Variants in MOXD1 observed in about 807,000 individuals in gnomAD.
MOXD1 encodes the protein DBH-like monooxygenase protein 1.
Under a neutral mutation model 66.6 loss-of-function variants are expected in MOXD1, and 62 were observed. The observed-to-expected ratio is 0.93, with a 90% confidence interval of 0.76 to 1.15. The LOEUF (loss-of-function observed/expected upper bound fraction) is 1.15, where lower values mean the gene tolerates loss of function less well. MOXD1 is among the 50% of genes most tolerant of loss of function. The pLI, the probability that MOXD1 is intolerant of heterozygous loss-of-function variation, is 0.00. For missense variants in MOXD1, 847 were observed against 754.6 expected, an observed-to-expected ratio of 1.12 and a Z score of -1.44; for synonymous variants, 303 against 281.9, an observed-to-expected ratio of 1.07 and a Z score of -0.75.
intron 1 of MOXD1, among the ~76,000 whole-genome samples, chr6:132,398,664 G>T (rs9493305): frequency 0.11 from 16,215 of 152,046 alleles, 1,301 homozygotes; most frequent in East Asian, 0.42. Context: ...TTATGGCCTG[G>T]CGTGGTGGCT....
intron 4 of MOXD1, among the ~76,000 whole-genome samples, chr6:132,358,057 TGTGATAGG>T (rs1180169641): frequency 1.3e-5 from 2 of 152,204 alleles, no homozygotes; most frequent in Non-Finnish European, 2.9e-5. Flanking sequence ...ACAGTAGTAT[TGTGATAGG>T]TCATATCTCC....
chr6:132,360,305 G>A (rs988487813), intron 4 of MOXD1, among the ~76,000 whole-genome samples: 1 of 152,118 alleles, frequency 6.6e-6, no homozygotes, highest in African/African-American at 2.4e-5. Flanking sequence ...TAACCTTTCT[G>A]GGCGTCAGTT....
intron 4 of MOXD1, among the ~76,000 whole-genome samples, chr6:132,368,995 C>T (rs1582598192): frequency 6.6e-6 from 1 of 152,004 alleles, no homozygotes; most frequent in Non-Finnish European, 1.5e-5. Flanking sequence ...ATTAAAGTTA[C>T]GTGAATGTGG....
At chr6:132,361,679 G>T (rs914127746) in intron 4 of MOXD1, among the ~76,000 whole-genome samples, 14 of 152,018 alleles carry the variant, frequency 9.2e-5, no homozygotes, top group Admixed American at 7.9e-4. Flanking sequence ...CAAAAGCCTG[G>T]ACTCCCTCCC....
At chr6:132,297,416 G>C (rs910913523) in intron 11 of MOXD1, 99 bp from the exon 12 acceptor site, 4 of 1,248,930 alleles carry the variant, frequency 3.2e-6, no homozygotes, top group Admixed American at 2.1e-5. Context: ...GGGATAAAGG[G>C]GGCAGGAGTG....
At position 132,366,013 on chromosome 6, in the gene MOXD1, A is replaced by G. The variant is rs544981820; in HGVS notation, c.663+6595T>C. On this transcript the variant is annotated intron_variant, in intron 4 of 11. Coordinates refer to ENST00000367963, the MANE Select transcript of MOXD1 (RefSeq NM_015529.4). ...GTAACACAAATTATTAAAGGAAAAG[A>G]TTCTTGATTTTTATAGCATAACTTT... 6.6e-5 allele frequency among the ~76,000 whole-genome samples: 10 copies of G among 152,296 alleles called. No homozygotes were observed. In the South Asian group the frequency reaches 2.1e-3, roughly 32 times the overall value.
At chr6:132,371,472 G>C (rs892189642) in intron 4 of MOXD1, among the ~76,000 whole-genome samples, 1 of 152,006 alleles carries the variant, frequency 6.6e-6, no homozygotes, top group African/African-American at 2.4e-5. Context: ...GTAAACCAAA[G>C]GCAGAACTGT....
At chr6:132,309,507 T>C (rs1165735223) in intron 10 of MOXD1, among the ~76,000 whole-genome samples, 1 of 152,206 alleles carries the variant, frequency 6.6e-6, no homozygotes, top group East Asian at 1.9e-4. Flanking sequence ...CTTTACAGAA[T>C]TAGCAACAAC....
At chr6:132,376,900 A>T (rs1212129752) in intron 1 of MOXD1, among the ~76,000 whole-genome samples, 1 of 152,230 alleles carries the variant, frequency 6.6e-6, no homozygotes, top group Non-Finnish European at 1.5e-5. Context: ...CTATCAGATA[A>T]AACTATTTTT....
intron 10 of MOXD1, among the ~76,000 whole-genome samples, chr6:132,299,599 G>C (rs7762650): frequency 0.024 from 3,617 of 152,172 alleles, 146 homozygotes; most frequent in African/African-American, 0.083. Context: ...AAGTGAAAAA[G>C]TGAATGACAT....
Position 132,340,644 on chromosome 6 carries a change from T to C in MOXD1, c.664-12050A>G, listed in dbSNP as rs1056849917. 4.6e-3 allele frequency among the ~76,000 whole-genome samples: 590 copies of C among 129,436 alleles called. 43 individuals are homozygous for C. Among genetic ancestry groups the C allele is most frequent in the African/African-American group, 0.017 (532 of 31,506 alleles). The allele number at this position is 129,436 out of a possible 152,430, so 84.9% of individuals were successfully genotyped here. ...TGCTAAAACAACAAGACTCATTTTT[T>C]TTTTTTTTTTTTTTTTTTTTGAGCC... On this transcript the variant is annotated intron_variant, in intron 4 of 11. Transcript: ENST00000367963.
intron 4 of MOXD1, among the ~76,000 whole-genome samples, chr6:132,346,666 A>G (rs1263254983): frequency 6.6e-6 from 1 of 152,230 alleles, no homozygotes; most frequent in Non-Finnish European, 1.5e-5. Flanking sequence ...CTAAGGTACA[A>G]AATAAATTTG....
At chr6:132,385,089 T>C (rs745313005) in intron 1 of MOXD1, among the ~76,000 whole-genome samples, 3 of 151,868 alleles carry the variant, frequency 2.0e-5, no homozygotes, top group Non-Finnish European at 2.9e-5. Flanking sequence ...ATATATTGGG[T>C]GAAGGAAGGA....
chr6:132,318,065 C>G (rs1774996604), intron 9 of MOXD1, among the ~76,000 whole-genome samples: 1 of 152,056 alleles, frequency 6.6e-6, no homozygotes, highest in African/African-American at 2.4e-5. Context: ...TACACTGTTT[C>G]ATTAAATAAT....
chr6:132,319,431 A>G (rs1181021089), intron 9 of MOXD1, among the ~76,000 whole-genome samples: 1 of 151,962 alleles, frequency 6.6e-6, no homozygotes, highest in African/African-American at 2.4e-5. Flanking sequence ...ATGTTTCCCA[A>G]TAAAGATTTA....
intron 10 of MOXD1, among the ~76,000 whole-genome samples, chr6:132,312,431 G>C (rs1476438634): frequency 6.6e-6 from 1 of 151,958 alleles, no homozygotes; most frequent in African/African-American, 2.4e-5. Context: ...TCTGATGTTT[G>C]AGCCAGCACC....
chr6:132,348,958 C>G (rs1430060660), intron 4 of MOXD1, among the ~76,000 whole-genome samples: 2 of 151,984 alleles, frequency 1.3e-5, no homozygotes, highest in East Asian at 3.8e-4. Context: ...TGTATTCTCT[C>G]CTTATTTATT....
At chr6:132,306,533 G>A (rs373873110) in intron 10 of MOXD1, among the ~76,000 whole-genome samples, 3 of 152,066 alleles carry the variant, frequency 2.0e-5, no homozygotes, top group South Asian at 4.1e-4. Flanking sequence ...TACTCCACGA[G>A]AAGATCAACC....
rs1162208318 is a variant in MOXD1, at chr6:132,386,881, GTCTTC to G, written c.265-12109_265-12105del. The stretch of plus-strand genomic sequence containing the variant: ...TCTACTCTTTCATTATATTTATTGG[GTCTTC>G]TCTTCTTTCTTCTGGGGCTTAATAA... On this transcript the variant is annotated intron_variant, in intron 1 of 11. Transcript: ENST00000367963. 6.6e-5 allele frequency among the ~76,000 whole-genome samples: 10 copies of G among 151,168 alleles called. 1 individual carries two copies. Among genetic ancestry groups the G allele is most frequent in the South Asian group, 4.3e-4 (2 of 4,660 alleles).
Sources: allele counts gnomAD v4.1 joint callset (sites outside exome capture counted in the v4.1 genomes callset), GRCh38; gene constraint gnomAD v4.1.1; transcripts MANE v1.5; gene names NCBI Gene and HGNC (gene_info 2026-07-23, HGNC 2026-07-21).